PTPRA: variants seen among roughly 807,000 people sequenced by gnomAD.
The protein encoded by PTPRA is protein tyrosine phosphatase receptor type A.
In PTPRA, 25 loss-of-function variants were observed where a neutral mutation model predicts 104.8. The observed-to-expected ratio is 0.24, with a 90% confidence interval of 0.17 to 0.33. The LOEUF (loss-of-function observed/expected upper bound fraction) is 0.33. Among genes scored for constraint, PTPRA ranks in the 10% least tolerant of loss-of-function variants. The pLI, the probability that PTPRA is intolerant of heterozygous loss-of-function variation, is 1.00. For missense variants in PTPRA, 765 were observed against 1,015.3 expected (o/e 0.75, Z 3.35); for synonymous variants, 323 against 368.9 (o/e 0.88, Z 1.43).
intron 3 of PTPRA, among the ~76,000 whole-genome samples, chr20:2,948,644 G>A (rs916461199): frequency 1.3e-5 from 2 of 152,126 alleles, no homozygotes; most frequent in African/African-American, 2.4e-5. Flanking sequence ...TATAGCACCA[G>A]TATTATTCTT....
chr20:2,997,470 G>C (rs768735750), intron 9 of PTPRA, among the ~76,000 whole-genome samples: 31 of 152,112 alleles, frequency 2.0e-4, no homozygotes, highest in Non-Finnish European at 3.8e-4. Flanking sequence ...GGAGTCTTGT[G>C]GTCAGGTCTC....
Position 2,910,071 on chromosome 20 carries a change from TATG to T in PTPRA, c.-128-13132_-128-13130del, listed in dbSNP as rs1471477795. On this transcript the variant is annotated intron_variant, in intron 1 of 23. Coordinates refer to ENST00000399903, the MANE Select transcript of PTPRA (RefSeq NM_001385305.1). ...TATATATCATATCATATATAATATA[TATG>T]ATGTATAGTATATATGATATATAAC... Among the ~76,000 whole-genome samples the T allele has an allele frequency of 8.2e-5, 10 of 121,316 alleles. No individual in the cohort carries two copies. In the South Asian group the frequency reaches 2.0e-3, roughly 25 times the overall value. 79.6% of individuals were successfully genotyped at this position (121,316 alleles called of 152,430 possible).
intron 3 of PTPRA, among the ~76,000 whole-genome samples, chr20:2,962,173 A>T (rs959561126): frequency 6.6e-6 from 1 of 152,210 alleles, no homozygotes; most frequent in Non-Finnish European, 1.5e-5. Context: ...CTATAGGCTT[A>T]TTTGGGAATA....
intron 1 of PTPRA, among the ~76,000 whole-genome samples, chr20:2,900,384 A>G (rs184860437): frequency 4.4e-4 from 67 of 152,198 alleles, no homozygotes; most frequent in African/African-American, 1.5e-3. Flanking sequence ...TCTTGCCCCC[A>G]GCCCCACTGA....
intron 2 of PTPRA, among the ~76,000 whole-genome samples, chr20:2,928,019 ATCAG>A (rs1004166734): frequency 1.3e-5 from 2 of 151,420 alleles, no homozygotes; most frequent in African/African-American, 4.8e-5. Flanking sequence ...CAGTCAATCA[ATCAG>A]TCAATCAATC....
At chr20:3,009,754 G>A (rs2064066479) in intron 11 of PTPRA, among the ~76,000 whole-genome samples, 1 of 152,206 alleles carries the variant, frequency 6.6e-6, no homozygotes, top group African/African-American at 2.4e-5. Context: ...AGGTGGAATA[G>A]GTTGACTTTA....
rs1316366743 is a variant in PTPRA, at chr20:2,904,616, C to G, written c.-128-18591C>G. ...CCCAGGAGGCAGAGTTGCAGTGAGCCGAGATCACACCACTGCATTCTAGCC... is the reference window on the plus strand; with the variant it reads ...CCCAGGAGGCAGAGTTGCAGTGAGCGGAGATCACACCACTGCATTCTAGCC... On this transcript the variant is annotated intron_variant, in intron 1 of 23. Coordinates refer to ENST00000399903, the MANE Select transcript of PTPRA (RefSeq NM_001385305.1). Among the ~76,000 whole-genome samples, 3 of 139,586 alleles carry G rather than the reference C, an allele frequency of 2.1e-5. No homozygotes were observed. In the South Asian group the frequency reaches 6.8e-4, roughly 31 times the overall value. The allele number at this position is 139,586 out of a possible 152,430, so 91.6% of individuals were successfully genotyped here. A position where few individuals can be genotyped will look rare whatever the true frequency, so the allele number is the denominator to read the frequency against.
chr20:2,993,689 G>A (rs1388106574), intron 9 of PTPRA, among the ~76,000 whole-genome samples: 1 of 152,240 alleles, frequency 6.6e-6, no homozygotes, highest in Non-Finnish European at 1.5e-5. Context: ...AGATCCTGCG[G>A]TTCACATGGA....
intron 3 of PTPRA, among the ~76,000 whole-genome samples, chr20:2,959,298 C>T (rs2061660497): frequency 1.3e-5 from 2 of 152,152 alleles, no homozygotes; most frequent in Admixed American, 1.3e-4. Context: ...CTAATTGTTA[C>T]TCCCACCAGT....
intron 1 of PTPRA, among the ~76,000 whole-genome samples, chr20:2,896,465 A>G (rs1248939752): frequency 6.6e-6 from 1 of 152,200 alleles, no homozygotes; most frequent in Non-Finnish European, 1.5e-5. Context: ...AATTGTTGGT[A>G]TTTATTTGCC....
At chr20:2,978,284 C>G (rs530550106) in intron 6 of PTPRA, among the ~76,000 whole-genome samples, 2 of 152,162 alleles carry the variant, frequency 1.3e-5, no homozygotes, top group African/African-American at 4.8e-5. Context: ...TAATTTGGCT[C>G]AAAACAACGG....
intron 2 of PTPRA, among the ~76,000 whole-genome samples, chr20:2,942,661 C>G (rs1347439730): frequency 6.6e-6 from 1 of 151,744 alleles, no homozygotes; most frequent in Non-Finnish European, 1.5e-5. Context: ...TGCAACTCCT[C>G]CCTGAATCTC....
At chr20:3,000,469 C>A (rs746789103) in intron 9 of PTPRA, among the ~76,000 whole-genome samples, 1 of 152,156 alleles carries the variant, frequency 6.6e-6, no homozygotes, top group Non-Finnish European at 1.5e-5. Context: ...GGAACTGGAA[C>A]ACTACATTGC....
At chr20:2,992,135 G>A (rs2063202134) in intron 9 of PTPRA, among the ~76,000 whole-genome samples, 1 of 152,214 alleles carries the variant, frequency 6.6e-6, no homozygotes, top group Non-Finnish European at 1.5e-5. Context: ...AGTGGGTTGT[G>A]TGGTAGGCAT....
At chr20:2,891,472 C>T (rs1269057082) in intron 1 of PTPRA, among the ~76,000 whole-genome samples, 1 of 152,088 alleles carries the variant, frequency 6.6e-6, no homozygotes, top group African/African-American at 2.4e-5. Flanking sequence ...TTGGACTGCC[C>T]ACCTCCCTCC....
the PTPRA span, chr20:2,866,483 T>C: frequency 6.2e-7 from 1 of 1,614,078 alleles, no homozygotes; most frequent in Admixed American, 1.7e-5. Flanking sequence ...GAGGCTGAGC[T>C]GAGCCTCGTA....
chr20:2,941,187 C>T (rs1201747045), intron 2 of PTPRA, among the ~76,000 whole-genome samples: 1 of 148,716 alleles, frequency 6.7e-6, no homozygotes, highest in Non-Finnish European at 1.5e-5. Flanking sequence ...CCTGCAATCA[C>T]GCCAGGCTAA....
intron 5 of PTPRA, among the ~76,000 whole-genome samples, chr20:2,971,625 C>G (rs1034871923): frequency 1.3e-5 from 2 of 152,134 alleles, no homozygotes; most frequent in Non-Finnish European, 2.9e-5. Flanking sequence ...GTATCTGACA[C>G]TAAGGAGGAC....
At chr20:2,953,100 C>A (rs1600164145) in intron 3 of PTPRA, among the ~76,000 whole-genome samples, 1 of 152,070 alleles carries the variant, frequency 6.6e-6, no homozygotes, top group Non-Finnish European at 1.5e-5. Flanking sequence ...TATGTTAATA[C>A]TGTATTTAGT....
Sources: gnomAD v4.1 joint callset for allele counts (sites outside exome capture counted in the v4.1 genomes callset) on GRCh38, gnomAD v4.1.1 for gene constraint, MANE v1.5 for transcripts, NCBI Gene and HGNC (gene_info 2026-07-23, HGNC 2026-07-21) for gene names.